SCNN1A: variants seen among roughly 807,000 people sequenced by gnomAD.
SCNN1A encodes sodium channel epithelial 1 subunit alpha.
Under a neutral mutation model 68.6 loss-of-function variants are expected in SCNN1A, and 65 were observed. The observed-to-expected ratio is 0.95, with a 90% CI of 0.78 to 1.16. SCNN1A has a LOEUF of 1.16. Ranked by LOEUF, SCNN1A falls within the 50% of genes most tolerant of loss-of-function variation. The probability of loss-of-function intolerance (pLI) is 0.00; values close to 1 mark genes in which losing one functional copy is unlikely to be tolerated. For missense variants in SCNN1A, 880 were observed against 865.9 expected, an observed-to-expected ratio of 1.02 and a Z score of -0.20; for synonymous variants, 357 against 353.3, an observed-to-expected ratio of 1.01 and a Z score of -0.12.
intron 6 of SCNN1A, among the ~76,000 whole-genome samples, 200 bp from the exon 7 acceptor site, chr12:6,355,048 C>T (rs1387932047): frequency 6.6e-6 from 1 of 152,104 alleles, no homozygotes; most frequent in African/African-American, 2.4e-5. Flanking sequence ...CCCCAGAAAC[C>T]CTAAGCATGC....
intron 2 of SCNN1A, among the ~76,000 whole-genome samples, chr12:6,368,775 C>G (rs187998817): frequency 1.3e-4 from 20 of 152,300 alleles, no homozygotes; most frequent in Non-Finnish European, 2.1e-4. Flanking sequence ...AAGCCAGAAC[C>G]TCTCTGAGAT....
Position 6,348,982 on chromosome 12 carries a change from C to T in SCNN1A, c.1521G>A (p.Ser507=), listed in dbSNP as rs368914240. ...TGTTGACGGTGTAATTGTTCTGTCG[C>T]GATAGCATCTGGAAGACCCATTCCT... ...TSQEWVFQML[S]RQNNYTVNNK... The change falls in exon 11 of 13, where the codon TCG becomes TCA. Residue 507 remains serine (S), a synonymous_variant. Coordinates refer to ENST00000228916, the MANE Select transcript of SCNN1A (RefSeq NM_001038.6). 55 of 1,613,914 alleles carry T rather than the reference C, an allele frequency of 3.4e-5. No individual in the cohort carries two copies. The highest frequency in any genetic ancestry group is 5.5e-5 in the South Asian group (5 of 91,078).
At position 6,351,700 on chromosome 12, in the gene SCNN1A, A is replaced by G. The variant is rs913623164; in HGVS notation, c.1361-2295T>C. Among the ~76,000 whole-genome samples, 1 of 151,930 alleles carries G rather than the reference A, an allele frequency of 6.6e-6. No homozygotes were observed. The highest frequency in any genetic ancestry group is 1.9e-4 in the East Asian group (1 of 5,194). On this transcript the variant is annotated intron_variant, in intron 8 of 12. Coordinates refer to ENST00000228916, the MANE Select transcript of SCNN1A (RefSeq NM_001038.6). This position sits in a 1 kb window ranked among gnomAD's most constrained non-coding sequence, Gnocchi z 4.2. ...GAGAAAGAAAGAATCGTGGTTGCCC[A>G]AGGGCTGGCAGTGGTGGAGGAGGGG...
intron 3 of SCNN1A, among the ~76,000 whole-genome samples, chr12:6,362,607 T>C (rs1271149431): frequency 2.6e-5 from 4 of 151,964 alleles, no homozygotes; most frequent in Non-Finnish European, 5.9e-5. Context: ...AGGACTCCAG[T>C]CCCCAGCCCA....
chr12:6,349,096 T>C (rs1948321653), intron 10 of SCNN1A, 68 bp downstream of exon 10: 2 of 1,602,080 alleles, frequency 1.2e-6, no homozygotes, highest in Admixed American at 1.7e-5. Context: ...ATACACATAA[T>C]ACCCAGAGAA....
chr12:6,350,752 G>A (rs1458028082), intron 8 of SCNN1A, among the ~76,000 whole-genome samples: 10 of 152,100 alleles, frequency 6.6e-5, no homozygotes, highest in Admixed American at 6.5e-4. Context: ...CAGGATAATT[G>A]CTTGAACCTA....
Position 6,350,365 on chromosome 12 carries a change from G to A in SCNN1A, c.1361-960C>T, listed in dbSNP as rs534480691. Among the ~76,000 whole-genome samples, 262 of 151,212 alleles carry A rather than the reference G, an allele frequency of 1.7e-3. 1 individual carries two copies. The highest frequency in any genetic ancestry group is 5.7e-3 in the African/African-American group (234 of 41,200). On this transcript the variant is annotated intron_variant, in intron 8 of 12. Coordinates refer to ENST00000228916, the MANE Select transcript of SCNN1A (RefSeq NM_001038.6). ...GAGAATGGCGTGAACCCGGGAGGCG[G>A]AGCTTGCAGTGAGCCGAGATCGCGC...
In SCNN1A at chr12:6,348,263, G is replaced by A. The variant is rs1948299408; in HGVS notation, c.1630-10C>T. On this transcript the variant is annotated splice_polypyrimidine_tract_variant and intron_variant, in intron 12 of 12. Transcript: ENST00000228916. ...ACAGGAGGGTGACCATCTGTGAGAGGAGAGGTACATTGACGATGGGACAGA... is the reference window on the plus strand; with the variant it reads ...ACAGGAGGGTGACCATCTGTGAGAGAAGAGGTACATTGACGATGGGACAGA... The A allele has an allele frequency of 6.2e-7, 1 of 1,613,870 alleles. No homozygotes were observed. Among genetic ancestry groups the A allele is most frequent in the Non-Finnish European group, 8.5e-7 (1 of 1,179,976 alleles).
intron 4 of SCNN1A, among the ~76,000 whole-genome samples, chr12:6,357,226 C>T (rs1468488943): frequency 1.3e-5 from 2 of 152,024 alleles, no homozygotes; most frequent in Non-Finnish European, 2.9e-5. Context: ...AAAGCAGGCA[C>T]AAGTTCCATC....
chr12:6,369,502 TC>T (rs1364555226), intron 2 of SCNN1A, among the ~76,000 whole-genome samples: 1 of 151,896 alleles, frequency 6.6e-6, no homozygotes, highest in Non-Finnish European at 1.5e-5. Context: ...ACCTTCACTC[TC>T]CCAAAAGGTC....
At chr12:6,356,629 CAG>C (rs1948502626) in intron 4 of SCNN1A, among the ~76,000 whole-genome samples, 1 of 152,134 alleles carries the variant, frequency 6.6e-6, no homozygotes, top group Non-Finnish European at 1.5e-5. Flanking sequence ...GGTGTGGGGA[CAG>C]AGAGAAAGCA....
chr12:6,362,269 G>A, intron 3 of SCNN1A, 28 bp from the exon 4 acceptor site: 2 of 1,603,930 alleles, frequency 1.2e-6, no homozygotes, highest in Non-Finnish European at 1.7e-6. Flanking sequence ...AGTCAGAGGG[G>A]ACACGCAGCC....
upstream of SCNN1A, chr12:6,376,207 C>G (rs748408615): frequency 1.0e-6 from 1 of 984,168 alleles, no homozygotes; most frequent in South Asian, 4.7e-5. Flanking sequence ...AGGTGGGATG[C>G]GTCTGCCTCC....
chr12:6,374,541 G>T lies in SCNN1A; in HGVS notation c.243C>A (p.Arg81=). 6.2e-7 allele frequency: 1 copy of T among 1,614,200 alleles called. No homozygotes were observed. The highest frequency in any genetic ancestry group is 8.5e-7 in the Non-Finnish European group (1 of 1,180,034). The part of the protein sequence containing the change: ...AIRLVCSQHN[R]MKTAFWAVLW... ...GCACTGCCCAGAAGGCCGTCTTCATGCGGTTGTGCTGGGAGCACACCAGGC... is the reference window on the plus strand; with the variant it reads ...GCACTGCCCAGAAGGCCGTCTTCATTCGGTTGTGCTGGGAGCACACCAGGC... Residue 81 remains arginine (R), a synonymous_variant, in exon 2 of 13, where the codon CGC becomes CGA. Coordinates refer to ENST00000228916, the MANE Select transcript of SCNN1A (RefSeq NM_001038.6). The surrounding 1 kb of genome is among the most constrained non-coding windows in gnomAD (Gnocchi z 6.2).
chr12:6,377,228 T>G (rs1207539221), upstream of SCNN1A: 22 of 1,543,010 alleles, frequency 1.4e-5, no homozygotes, highest in Non-Finnish European at 1.8e-5. Context: ...CAACCAGGAT[T>G]CCAAACCAGG....
intron 4 of SCNN1A, among the ~76,000 whole-genome samples, chr12:6,360,741 AGAAGGCAGGGGAGGAGGG>A (rs1229193360): frequency 1.3e-5 from 2 of 151,932 alleles, no homozygotes; most frequent in African/African-American, 4.8e-5. Flanking sequence ...GAGCAGGAGG[AGAAGGCAGGGGAGGAGGG>A]GGCCAGAGGT....
intron 8 of SCNN1A, chr12:6,349,773 C>G (rs547558921): frequency 7.3e-4 from 180 of 247,854 alleles, no homozygotes; most frequent in African/African-American, 4.0e-3. Context: ...GTTGCCCACG[C>G]TAGAGTGCAG....
chr12:6,377,263 TC>T (rs1167954320), upstream of SCNN1A: 1 of 1,551,028 alleles, frequency 6.4e-7, no homozygotes, highest in Admixed American at 2.0e-5. Context: ...TTGATACTGC[TC>T]ATGATACCTC....
intron 2 of SCNN1A, among the ~76,000 whole-genome samples, chr12:6,369,246 T>G (rs1948734526): frequency 1.4e-5 from 2 of 141,474 alleles, no homozygotes; most frequent in Non-Finnish European, 3.0e-5. Flanking sequence ...TGTGCCCGGC[T>G]TCCTCCTCCA....
Sources: allele counts gnomAD v4.1 joint callset (sites outside exome capture counted in the v4.1 genomes callset), GRCh38; gene constraint gnomAD v4.1.1; non-coding constraint Gnocchi (gnomAD v3.1); transcripts MANE v1.5; gene names NCBI Gene and HGNC (gene_info 2026-07-23, HGNC 2026-07-21).